SRMS: variants seen among roughly 807,000 people sequenced by gnomAD.
The protein encoded by SRMS is tyrosine-protein kinase Srms.
In SRMS, 42 loss-of-function variants were observed where a neutral mutation model predicts 43.5. The ratio of observed to expected loss-of-function variants is 0.97; its 90% CI spans 0.75 to 1.25. SRMS has a LOEUF of 1.25. SRMS is among the 50% of genes most tolerant of loss of function. The pLI is 0.00. For missense variants in SRMS, 703 were observed against 681.0 expected (o/e 1.03, Z -0.36); for synonymous variants, 316 against 308.2 (o/e 1.03, Z -0.27).
chr20:63,546,861 C>G (rs190600197), intron 1 of SRMS, among the ~76,000 whole-genome samples: 9 of 152,326 alleles, frequency 5.9e-5, no homozygotes, highest in East Asian at 3.9e-4. Flanking sequence ...GATGCTCCCC[C>G]CCACAGGACC....
chr20:63,547,398 C>A lies in SRMS; in HGVS notation c.66G>T (p.Ala22=). 1.9e-6 allele frequency: 3 copies of A among 1,557,144 alleles called. No individual in the cohort carries two copies. Among genetic ancestry groups the A allele is most frequent in the Non-Finnish European group, 2.6e-6 (3 of 1,150,180 alleles). ...LSFFWDKIWP[A]GGEPDHGTPG... ...GGGTGCCATGGTCCGGCTCGCCGCC[C>A]GCCGGCCAGATCTTGTCCCAGAAGA... The change falls in exon 1 of 8, where the codon GCG becomes GCT. Residue 22 remains alanine (A), a synonymous_variant. Transcript: ENST00000217188.
intron 1 of SRMS, 126 bp from the exon 2 acceptor site, chr20:63,544,474 G>A (rs1013529741): frequency 3.2e-5 from 40 of 1,244,014 alleles, no homozygotes; most frequent in East Asian, 1.6e-4. Context: ...GGTCCACCCC[G>A]TGGACTTTGA....
At chr20:63,541,748 C>T (rs1040994804) in intron 5 of SRMS, 128 bp from the exon 6 acceptor site, 14 of 1,197,924 alleles carry the variant, frequency 1.2e-5, no homozygotes, top group African/African-American at 6.2e-5. Flanking sequence ...ATGGCATGGC[C>T]GGCTAAGGCC....
Position 63,547,485 on chromosome 20 carries a change from G to T in SRMS, c.-22C>A. The T allele has an allele frequency of 6.9e-7, 1 of 1,457,388 alleles. No individual in the cohort carries two copies. The highest frequency in any genetic ancestry group is 9.1e-7 in the Non-Finnish European group (1 of 1,102,224). The allele number at this position is 1,457,388 out of a possible 1,614,324, so 90.3% of individuals were successfully genotyped here. ...CCATCCCCCGGGGTCACCACGCTGG[G>T]CCCGAGGGCCATGGGAGCCCGCGAG... On this transcript the variant is annotated 5_prime_UTR_variant, in exon 1 of 8. Transcript: ENST00000217188.
intron 3 of SRMS, 135 bp from the exon 4 acceptor site, chr20:63,542,716 GGGGAGT>G: frequency 8.4e-7 from 1 of 1,190,716 alleles, no homozygotes; most frequent in African/African-American, 1.6e-5. Context: ...CTGGGACAAA[GGGGAGT>G]GGGTGCCAGG....
intron 4 of SRMS, 32 bp downstream of exon 4, chr20:63,542,408 C>A: frequency 6.2e-7 from 1 of 1,601,368 alleles, no homozygotes; most frequent in South Asian, 1.1e-5. Flanking sequence ...AGGTGCGGGG[C>A]CCGGCCGTGG....
chr20:63,542,835 C>T (rs905390134), intron 3 of SRMS, among the ~76,000 whole-genome samples: 1 of 152,224 alleles, frequency 6.6e-6, no homozygotes, highest in Admixed American at 6.5e-5. Flanking sequence ...ATTACTGCCC[C>T]TGGCCGCGCT....
Position 63,541,265 on chromosome 20 carries a change from G to T in SRMS, c.1211C>A (p.Ser404Tyr). 6.4e-7 allele frequency: 1 copy of T among 1,568,804 alleles called. No individual in the cohort carries two copies. The highest frequency in any genetic ancestry group is 8.6e-7 in the Non-Finnish European group (1 of 1,162,190). Residue 404 changes from serine to tyrosine, a missense_variant, in exon 7 of 8, where the codon TCC becomes TAC. Coordinates refer to ENST00000217188, the MANE Select transcript of SRMS (RefSeq NM_080823.4). ...GAAGGACCAGACGTCTGACTTCTGGGAGAAGACACGATAATTGGCCGCCTC... is the reference window on the plus strand; with the variant it reads ...GAAGGACCAGACGTCTGACTTCTGGTAGAAGACACGATAATTGGCCGCCTC... ...APEAANYRVFSQKSDVWSFGV... is the reference protein window; with the variant it reads ...APEAANYRVFYQKSDVWSFGV...
At position 63,542,488 on chromosome 20, in the gene SRMS, C is replaced by T; in HGVS notation, c.739G>A (p.Gly247Ser). The change falls in exon 4 of 8, where the codon GGC (glycine) becomes AGC (serine). Residue 247 changes from glycine to serine, a missense_variant. Physicochemically the swap from Gly to Ser is moderately conservative, Grantham distance 56. Transcript: ENST00000217188. ...GEGYFGEVWE[G>S]LWLGSLPVAI... Reference sequence around the variant, plus strand: ...ACGGGCAGGGAGCCCAGCCACAGGCCTTCCCACACCTCCCCAAAGTAGCCT... The same window carrying T: ...ACGGGCAGGGAGCCCAGCCACAGGCTTTCCCACACCTCCCCAAAGTAGCCT... The T allele has an allele frequency of 6.2e-7, 1 of 1,612,724 alleles. No individual in the cohort carries two copies. The highest frequency in any genetic ancestry group is 8.5e-7 in the Non-Finnish European group (1 of 1,179,868).
chr20:63,547,239 C>A lies in SRMS; in HGVS notation c.225G>T (p.Gly75=), dbSNP rs375902515. The A allele has an allele frequency of 1.9e-6, 3 of 1,611,168 alleles. No individual in the cohort carries two copies. The highest frequency in any genetic ancestry group is 2.2e-5 in the East Asian group (1 of 44,742). Residue 75 remains glycine, a synonymous_variant, in exon 1 of 8, where the codon GGG becomes GGT. Transcript: ENST00000217188. The part of the protein sequence containing the change: ...RCGGELSVRR[G]DRLCALEEGG... The stretch of plus-strand genomic sequence containing the variant: ...CCTCTTCGAGGGCACAGAGCCTGTC[C>A]CCGCGGCGGACACTCAGCTCCCCGC...
chr20:63,542,553 C>A lies in SRMS; in HGVS notation c.674G>T (p.Arg225Leu). Reference sequence around the variant, plus strand: ...CCCAAGGGCGAATTCGGAGTGTGGCCGCTCCCACACGTCCTGCCTCGGGGC... The same window carrying A: ...CCCAAGGGCGAATTCGGAGTGTGGCAGCTCCCACACGTCCTGCCTCGGGGC... ...QKAPRQDVWE[R>L]PHSEFALGRK... Residue 225 changes from arginine to leucine, a missense_variant, in exon 4 of 8, where the codon CGG becomes CTG. Transcript: ENST00000217188. The A allele has an allele frequency of 6.2e-7, 1 of 1,611,850 alleles. No individual in the cohort carries two copies. Among genetic ancestry groups the A allele is most frequent in the Non-Finnish European group, 8.5e-7 (1 of 1,179,394 alleles).
rs1480760638 is a variant in SRMS at position 63,539,368 on chromosome 20, A to AT, written c.*1449dup. Among the ~76,000 whole-genome samples the AT allele has an allele frequency of 6.6e-6, 1 of 152,296 alleles. No individual in the cohort carries two copies. Among genetic ancestry groups the AT allele is most frequent in the Admixed American group, 6.5e-5 (1 of 15,302 alleles). On this transcript the variant is annotated 3_prime_UTR_variant, in exon 8 of 8. Transcript: ENST00000217188. ...ACCTGTCTCTGCACACGGGAGTCTCATCTCTTAGCTCCCTCCTGAGCCAGG... is the reference window on the plus strand; with the variant it reads ...ACCTGTCTCTGCACACGGGAGTCTCATTCTCTTAGCTCCCTCCTGAGCCAGG...
chr20:63,541,568 C>G lies in SRMS; in HGVS notation c.999G>C (p.Gln333His). 1 of 1,579,914 alleles carries G rather than the reference C, an allele frequency of 6.3e-7. No individual in the cohort carries two copies. Among genetic ancestry groups the G allele is most frequent in the Non-Finnish European group, 8.6e-7 (1 of 1,165,972 alleles). Residue 333 changes from glutamine (Q) to histidine (H), a missense_variant, in exon 6 of 8, where the codon CAG becomes CAC. Transcript: ENST00000217188. The stretch of plus-strand genomic sequence containing the variant: ...CCAGGTAGCTCATGCCCTCAGCCAC[C>G]TGGCAGGCAAAGCCCAGGAGTGGCG... Reference protein sequence around the residue: ...RLPPLLGFACQVAEGMSYLEE... With the variant: ...RLPPLLGFACHVAEGMSYLEE...
intron 4 of SRMS, 56 bp from the exon 5 acceptor site, chr20:63,542,377 G>A: frequency 6.3e-7 from 1 of 1,597,542 alleles, no homozygotes; most frequent in East Asian, 2.2e-5. Context: ...TCACTGCCCT[G>A]GGGCTTGAGG....
In SRMS at chr20:63,547,617, T is replaced by G. The variant is rs1436817709; in HGVS notation, c.-154A>C. Reference sequence around the variant, plus strand: ...GCCCTGCGGTCACTCAGAGGTCCCCTGGATCCAGGAGGCACACGGTTCCCA... The same window carrying G: ...GCCCTGCGGTCACTCAGAGGTCCCCGGGATCCAGGAGGCACACGGTTCCCA... On this transcript the variant is annotated 5_prime_UTR_variant, in exon 1 of 8. Transcript: ENST00000217188. 28 of 682,382 alleles carry G rather than the reference T, an allele frequency of 4.1e-5. No individual in the cohort carries two copies. The highest frequency in any genetic ancestry group is 4.1e-5 in the Non-Finnish European group (18 of 439,156). The allele number at this position is 682,382 out of a possible 1,614,324, so 42.3% of individuals were successfully genotyped here. A position where few individuals can be genotyped will look rare whatever the true frequency, so the allele number is the denominator to read the frequency against.
chr20:63,541,132 C>G, intron 7 of SRMS, 59 bp downstream of exon 7: 1 of 1,551,208 alleles, frequency 6.4e-7, no homozygotes, highest in Non-Finnish European at 8.7e-7. Context: ...CGTCCAGGCC[C>G]GGGGCCAGTG....
Position 63,542,241 on chromosome 20 carries a change from C to T in SRMS, c.868G>A (p.Ala290Thr), listed in dbSNP as rs779008500. 2.6e-5 allele frequency: 42 copies of T among 1,612,616 alleles called. No individual in the cohort carries two copies. Among genetic ancestry groups the T allele is most frequent in the South Asian group, 2.5e-4 (23 of 91,088 alleles). The change falls in exon 5 of 8, where the codon GCA becomes ACA. Residue 290 changes from alanine (A) to threonine (T), a missense_variant. Physicochemically the swap from Ala to Thr is moderately conservative, Grantham distance 58 (BLOSUM62 0). Transcript: ENST00000217188. ...LRHERLIRLH[A>T]VCSGGEPVYI... ...ACAGGCTCCCCGCCCGAGCACACTG[C>T]GTGCAGCCGGATGAGCCGCTCGTGC...
rs528744063 is a variant in SRMS, at chr20:63,541,792, C to G, written c.947-172G>C. 3.9e-5 allele frequency among the ~76,000 whole-genome samples: 6 copies of G among 152,366 alleles called. No homozygotes were observed. The East Asian group carries it at 9.7e-4, about 25-fold the overall frequency. ...CCCCAAGTGAGACAGGGCGAGGGTC[C>G]TGTACTCACCACAGTGACCCGGCAG... On this transcript the variant is annotated intron_variant, in intron 5 of 7. Transcript: ENST00000217188.
chr20:63,547,123 G>T lies in SRMS; in HGVS notation c.341C>A (p.Thr114Lys). ...AGGTACTCACGGTTGGTCTGAGAGCGTCTCAGGAGAAGCCTTGGCCACGTG... is the reference window on the plus strand; with the variant it reads ...AGGTACTCACGGTTGGTCTGAGAGCTTCTCAGGAGAAGCCTTGGCCACGTG... ...ITHVAKASPE[T>K]LSDQPWYFSG... Residue 114 changes from threonine to lysine, a missense_variant, in exon 1 of 8, where the codon ACG becomes AAG. Thr to Lys is a moderately conservative substitution (Grantham distance 78). Coordinates refer to ENST00000217188, the MANE Select transcript of SRMS (RefSeq NM_080823.4). 6.3e-7 allele frequency: 1 copy of T among 1,589,354 alleles called. No homozygotes were observed. The highest frequency in any genetic ancestry group is 8.6e-7 in the Non-Finnish European group (1 of 1,165,334).
Sources: allele counts gnomAD v4.1 joint callset (sites outside exome capture counted in the v4.1 genomes callset), GRCh38; gene constraint gnomAD v4.1.1; transcripts MANE v1.5; gene names NCBI Gene and HGNC (gene_info 2026-07-23, HGNC 2026-07-21).